Variants in OR11A1 observed in about 807,000 individuals in gnomAD.
OR11A1 encodes olfactory receptor family 11 subfamily A member 1, also known as olfactory receptor 11A1.
For missense variants in OR11A1, 380 were observed against 378.2 expected (o/e 1.00, Z -0.04); for synonymous variants, 158 against 152.2 (o/e 1.04, Z -0.28).
chr6:29,440,708 G>A (rs772606781), intron 1 of OR11A1: 10 of 1,613,954 alleles, frequency 6.2e-6, no homozygotes, highest in African/African-American at 1.3e-5. Context: ...CATCTGTTGC[G>A]GGCCGCCGCA....
rs1348913596 is a variant in OR11A1, at chr6:29,426,425, G to T, written c.*269C>A. ...GAAGATCAGGAAAAATGATTAATGA[G>T]TACTAGGCTTAATACCTGGGTGATG... On this transcript the variant is annotated 3_prime_UTR_variant, in exon 5 of 5. Coordinates refer to ENST00000377149, the MANE Select transcript of OR11A1 (RefSeq NM_001394828.1). 3 of 434,690 alleles carry T rather than the reference G, an allele frequency of 6.9e-6. No individual in the cohort carries two copies. The highest frequency in any genetic ancestry group is 5.8e-5 in the African/African-American group (3 of 51,334). The allele number at this position is 434,690 out of a possible 1,614,324, so 26.9% of individuals were successfully genotyped here. A position where few individuals can be genotyped will look rare whatever the true frequency, so the allele number is the denominator to read the frequency against.
rs2151390759 is a variant in OR11A1 at position 29,446,469 on chromosome 6, A to G, written c.-389+10518T>C. On this transcript the variant is annotated intron_variant, in intron 1 of 4. Transcript: ENST00000377149. The stretch of plus-strand genomic sequence containing the variant: ...CCTGGCAGCCAGGACTGACAATGTC[A>G]CCTGCCAGGGGCCTGGAAAGCCAAG... 2.0e-5 allele frequency among the ~76,000 whole-genome samples: 3 copies of G among 152,296 alleles called. No homozygotes were observed. The Middle Eastern group carries it at 0.01, about 518-fold the overall frequency.
Position 29,426,555 on chromosome 6 carries a change from C to A in OR11A1, c.*139G>T. 1.6e-6 allele frequency: 1 copy of A among 635,500 alleles called. No homozygotes were observed. Among genetic ancestry groups the A allele is most frequent in the Non-Finnish European group, 2.6e-6 (1 of 379,396 alleles). The allele number at this position is 635,500 out of a possible 1,614,324, so 39.4% of individuals were successfully genotyped here. ...AAAAGTTAAAAAATTGTTGCCCTAT[C>A]ATTTTCATTTTTAGTATAACTGCAG... On this transcript the variant is annotated 3_prime_UTR_variant, in exon 5 of 5. Coordinates refer to ENST00000377149, the MANE Select transcript of OR11A1 (RefSeq NM_001394828.1).
At position 29,426,387 on chromosome 6, in the gene OR11A1, T is replaced by G. The variant is rs2151357519; in HGVS notation, c.*307A>C. 1 of 284,304 alleles carries G rather than the reference T, an allele frequency of 3.5e-6. No individual in the cohort carries two copies. Among genetic ancestry groups the G allele is most frequent in the Admixed American group, 4.7e-5 (1 of 21,468 alleles). 17.6% of individuals were successfully genotyped at this position (284,304 alleles called of 1,614,324 possible). ...ACTGAATCCTACTTGAGGGTGGAGG[T>G]TGGGAGGAGGGAGAAGATCAGGAAA... On this transcript the variant is annotated 3_prime_UTR_variant, in exon 5 of 5. Coordinates refer to ENST00000377149, the MANE Select transcript of OR11A1 (RefSeq NM_001394828.1).
intron 1 of OR11A1, among the ~76,000 whole-genome samples, chr6:29,452,677 T>C (rs1380239269): frequency 4.6e-5 from 7 of 152,092 alleles, no homozygotes; most frequent in Non-Finnish European, 2.9e-5. Context: ...TAATCTTTCT[T>C]AAATGAAGGC....
chr6:29,455,606 T>C (rs1786023339), intron 1 of OR11A1, among the ~76,000 whole-genome samples: 1 of 152,150 alleles, frequency 6.6e-6, no homozygotes, highest in Non-Finnish European at 1.5e-5. Context: ...ATAGTAATCA[T>C]TTAACTATGT....
intron 1 of OR11A1, chr6:29,440,900 G>A (rs776189629): frequency 6.2e-7 from 1 of 1,613,648 alleles, no homozygotes; most frequent in East Asian, 2.2e-5. Flanking sequence ...GGAACACAGA[G>A]GTCAAAGCTG....
At chr6:29,445,981 G>A (rs1784730145) in intron 1 of OR11A1, among the ~76,000 whole-genome samples, 1 of 151,946 alleles carries the variant, frequency 6.6e-6, no homozygotes, top group Non-Finnish European at 1.5e-5. Context: ...ATAAGGAGAA[G>A]GATTAGGAGC....
intron 1 of OR11A1, chr6:29,440,745 C>T: frequency 1.9e-6 from 3 of 1,614,022 alleles, no homozygotes; most frequent in Non-Finnish European, 2.5e-6. Flanking sequence ...CTCCTCCCAC[C>T]TGATCATGGT....
chr6:29,433,990 G>A (rs1462101556), intron 1 of OR11A1, among the ~76,000 whole-genome samples: 1 of 151,848 alleles, frequency 6.6e-6, no homozygotes, highest in Non-Finnish European at 1.5e-5. Flanking sequence ...TGTCTATTCA[G>A]GTGCTTAGCT....
intron 1 of OR11A1, among the ~76,000 whole-genome samples, chr6:29,443,211 C>T (rs1337564157): frequency 7.2e-5 from 11 of 152,080 alleles, no homozygotes; most frequent in African/African-American, 2.4e-4. Context: ...ACATTATAGG[C>T]GCAATCACGA....
intron 1 of OR11A1, among the ~76,000 whole-genome samples, chr6:29,448,267 G>A (rs184283163): frequency 9.2e-5 from 14 of 151,786 alleles, no homozygotes; most frequent in Middle Eastern, 3.4e-3. Flanking sequence ...TGCCCACCTC[G>A]GCCTCCCAAA....
chr6:29,440,378 C>T (rs776841431), intron 1 of OR11A1: 8 of 1,614,152 alleles, frequency 5.0e-6, no homozygotes, highest in Non-Finnish European at 6.8e-6. Context: ...CCTATGACCG[C>T]TATGCAGCCA....
At chr6:29,442,862 A>T (rs145342595) in intron 1 of OR11A1, among the ~76,000 whole-genome samples, 1 of 152,362 alleles carries the variant, frequency 6.6e-6, no homozygotes, top group East Asian at 1.9e-4. Flanking sequence ...CTTATCCCCA[A>T]GCTAAAGCAG....
At chr6:29,443,191 A>T (rs1336756946) in intron 1 of OR11A1, among the ~76,000 whole-genome samples, 13 of 152,152 alleles carry the variant, frequency 8.5e-5, no homozygotes, top group African/African-American at 3.1e-4. Flanking sequence ...TGACCCATGT[A>T]TGCACCATGA....
intron 1 of OR11A1, chr6:29,440,722 C>G: frequency 6.2e-7 from 1 of 1,613,730 alleles, no homozygotes. Context: ...CGCCGCAAGG[C>G]CTTCTCCACC....
intron 1 of OR11A1, among the ~76,000 whole-genome samples, chr6:29,441,932 G>C (rs947617374): frequency 6.6e-6 from 1 of 152,032 alleles, no homozygotes; most frequent in Non-Finnish European, 1.5e-5. Flanking sequence ...TTTTTGTTTT[G>C]TTCTGTTTTG....
rs1208523119 is a variant in OR11A1, at chr6:29,440,242, C to G, written c.-388-8255G>C. The G allele has an allele frequency of 6.2e-6, 10 of 1,613,850 alleles. No individual in the cohort carries two copies. In the South Asian group the frequency reaches 9.9e-5, roughly 16 times the overall value. Reference sequence around the variant, plus strand: ...TTGGAGATTGGCTATACGTCTGTCACGGTCCCCCTGCTACTTCACCACCTC... The same window carrying G: ...TTGGAGATTGGCTATACGTCTGTCAGGGTCCCCCTGCTACTTCACCACCTC... On this transcript the variant is annotated intron_variant, in intron 1 of 4. Coordinates refer to ENST00000377149, the MANE Select transcript of OR11A1 (RefSeq NM_001394828.1).
intron 1 of OR11A1, chr6:29,440,936 G>C (rs555486632): frequency 1.9e-6 from 3 of 1,609,666 alleles, no homozygotes; most frequent in South Asian, 1.1e-5. Flanking sequence ...TCCAGAAAAC[G>C]GTGCCTATGG....
Sources: allele counts gnomAD v4.1 joint callset (sites outside exome capture counted in the v4.1 genomes callset), GRCh38; gene constraint gnomAD v4.1.1; transcripts MANE v1.5; gene names NCBI Gene and HGNC (gene_info 2026-07-23, HGNC 2026-07-21).